The following UNC80 variants were observed in gnomAD, a reference collection of about 807,000 sequenced individuals.
The protein encoded by UNC80 is unc-80 subunit of NALCN channel complex, also known as protein unc-80 homolog.
In UNC80, 164 loss-of-function variants were observed where a neutral mutation model predicts 384.6. That is an observed-to-expected ratio of 0.43 (90% CI 0.38 to 0.49). UNC80 has a LOEUF of 0.49. Ranked by LOEUF, UNC80 falls within the 20% of genes least tolerant of loss-of-function variation. The pLI is 0.00. For synonymous variants in UNC80, 1,486 were observed against 1,527.8 expected, an observed-to-expected ratio of 0.97 and a Z score of 0.64; for missense variants, 3,330 against 4,143.0, an observed-to-expected ratio of 0.80 and a Z score of 5.39.
intron 22 of UNC80, among the ~76,000 whole-genome samples, chr2:209,866,118 G>A (rs1323993443): frequency 6.6e-6 from 1 of 152,024 alleles, no homozygotes; most frequent in Admixed American, 6.5e-5. Flanking sequence ...ATTGAAATAC[G>A]ATATTTATTC....
intron 31 of UNC80, among the ~76,000 whole-genome samples, chr2:209,915,917 G>A (rs886678552): frequency 1.3e-5 from 2 of 152,088 alleles, no homozygotes; most frequent in Non-Finnish European, 2.9e-5. Context: ...AAGTACTCAA[G>A]GTGGTGGATA....
chr2:209,971,464 CAAAAAAAA>C (rs35804573), intron 54 of UNC80, among the ~76,000 whole-genome samples: 2 of 133,782 alleles, frequency 1.5e-5, no homozygotes, highest in South Asian at 2.4e-4. Context: ...ATTCCCAAGG[CAAAAAAAA>C]AAAAAAAAAA....
intron 7 of UNC80, among the ~76,000 whole-genome samples, chr2:209,807,879 A>T (rs569354890): frequency 1.3e-5 from 2 of 152,370 alleles, no homozygotes; most frequent in South Asian, 4.1e-4. Context: ...GTGATTGGAT[A>T]ACACCTTAAA....
At chr2:209,881,227 G>C (rs1029497369) in intron 25 of UNC80, 133 bp downstream of exon 25, 1 of 1,016,476 alleles carries the variant, frequency 9.8e-7, no homozygotes, top group African/African-American at 1.6e-5. Context: ...TTCAACCAAG[G>C]GATTTTGAAA....
At position 209,816,918 on chromosome 2, in the gene UNC80, C is replaced by T. The variant is rs1306849237; in HGVS notation, c.1345C>T (p.Arg449Cys). ...CCTCTCATCACTGTAGTTCAAGAGC[C>T]GCAAAGAAGACCGAGAGAGGAAAGG... ...GMNIFKKFKS[R>C]KEDRERKGSI... The change falls in exon 10 of 65, where the codon CGC becomes TGC. Residue 449 changes from arginine (R) to cysteine (C), a missense_variant. By Grantham distance (180) the Arg-to-Cys change is radical (BLOSUM62 -3). Coordinates refer to ENST00000673920, the MANE Select transcript of UNC80 (RefSeq NM_001371986.1). 1.7e-5 allele frequency: 27 copies of T among 1,551,510 alleles called. No homozygotes were observed. Among genetic ancestry groups the T allele is most frequent in the East Asian group, 1.5e-4 (6 of 40,932 alleles).
At chr2:209,907,102 A>G (rs979820251) in intron 29 of UNC80, among the ~76,000 whole-genome samples, 1 of 152,138 alleles carries the variant, frequency 6.6e-6, no homozygotes, top group Non-Finnish European at 1.5e-5. Flanking sequence ...CTGCAGATGG[A>G]CACTAAATGT....
At chr2:209,896,880 G>A (rs768573282) in intron 28 of UNC80, among the ~76,000 whole-genome samples, 6 of 152,150 alleles carry the variant, frequency 3.9e-5, no homozygotes, top group Non-Finnish European at 8.8e-5. Context: ...CAGGCAGGAG[G>A]TGATCCCAGG....
intron 47 of UNC80, among the ~76,000 whole-genome samples, chr2:209,952,668 C>T (rs569866182): frequency 5.3e-5 from 8 of 152,274 alleles, no homozygotes; most frequent in Non-Finnish European, 1.0e-4. Flanking sequence ...TTCTTTCTCC[C>T]AGAAGTCTGG....
chr2:209,905,632 GT>G (rs1346814957), intron 29 of UNC80, among the ~76,000 whole-genome samples: 3 of 152,152 alleles, frequency 2.0e-5, no homozygotes, highest in Non-Finnish European at 2.9e-5. Flanking sequence ...AGCTATGAAG[GT>G]TGTGGTCACT....
intron 18 of UNC80, among the ~76,000 whole-genome samples, chr2:209,838,406 T>C (rs2081494095): frequency 1.3e-5 from 2 of 152,192 alleles, no homozygotes; most frequent in African/African-American, 2.4e-5. Flanking sequence ...TTTCCTGTTG[T>C]GGAATGCCCT....
At chr2:209,943,976 G>T (rs2091783189) in intron 45 of UNC80, among the ~76,000 whole-genome samples, 1 of 152,136 alleles carries the variant, frequency 6.6e-6, no homozygotes, top group African/African-American at 2.4e-5. Context: ...TAGACAATGG[G>T]TTGGTTTCCT....
At chr2:209,913,006 C>T (rs918198313) in intron 30 of UNC80, among the ~76,000 whole-genome samples, 1 of 152,310 alleles carries the variant, frequency 6.6e-6, no homozygotes, top group Middle Eastern at 3.4e-3. Context: ...CCCATGTCTG[C>T]TGCTCTGGCT....
rs980763539 is a variant in UNC80, at chr2:209,858,760, A to T, written c.3627+9137A>T. ...TTTAATTTTTTTCATCATTTAAACA[A>T]TTTTTTTCTAGAAAATTTAGTCTAT... On this transcript the variant is annotated intron_variant, in intron 22 of 64. Coordinates refer to ENST00000673920, the MANE Select transcript of UNC80 (RefSeq NM_001371986.1). Among the ~76,000 whole-genome samples, 6 of 151,612 alleles carry T rather than the reference A, an allele frequency of 4.0e-5. No individual in the cohort carries two copies. The East Asian group carries it at 7.7e-4, about 19-fold the overall frequency.
At chr2:209,814,608 A>C (rs1223951389) in intron 8 of UNC80, among the ~76,000 whole-genome samples, 3 of 152,160 alleles carry the variant, frequency 2.0e-5, no homozygotes, top group Non-Finnish European at 4.4e-5. Flanking sequence ...CTTGCTATTT[A>C]TTATAAATGT....
chr2:209,850,873 A>G (rs918265196), intron 22 of UNC80, among the ~76,000 whole-genome samples: 38 of 152,092 alleles, frequency 2.5e-4, no homozygotes, highest in Admixed American at 3.9e-4. Context: ...TGACAAGGCA[A>G]GGAGCCAATC....
intron 35 of UNC80, among the ~76,000 whole-genome samples, chr2:209,925,333 G>A (rs999177622): frequency 7.9e-5 from 12 of 152,180 alleles, no homozygotes; most frequent in South Asian, 6.2e-4. Context: ...TCCTTCCAGC[G>A]GGTTCTTGGT....
chr2:209,955,127 G>GTTTAT (rs2092350868), intron 48 of UNC80, among the ~76,000 whole-genome samples: 2 of 152,042 alleles, frequency 1.3e-5, no homozygotes, highest in Admixed American at 1.3e-4. Flanking sequence ...TTCTTCCTGG[G>GTTTAT]TTTAGTGTCT....
At chr2:209,920,288 A>G (rs2089932253) in intron 33 of UNC80, among the ~76,000 whole-genome samples, 1 of 152,246 alleles carries the variant, frequency 6.6e-6, no homozygotes, top group African/African-American at 2.4e-5. Context: ...TAGAAGAGTA[A>G]TCAACATCCC....
chr2:209,827,561 T>C (rs900296221), intron 14 of UNC80, among the ~76,000 whole-genome samples: 1 of 152,162 alleles, frequency 6.6e-6, no homozygotes, highest in African/African-American at 2.4e-5. Flanking sequence ...CAATTTGACT[T>C]ATGGGATAAT....
Sources: gnomAD v4.1 joint callset for allele counts (sites outside exome capture counted in the v4.1 genomes callset) on GRCh38, gnomAD v4.1.1 for gene constraint, MANE v1.5 for transcripts, NCBI Gene and HGNC (gene_info 2026-07-23, HGNC 2026-07-21) for gene names.